Variants in SAMD8 observed in about 807,000 individuals in gnomAD.
The protein encoded by SAMD8 is sterile alpha motif domain containing 8.
Under a neutral mutation model 42.0 loss-of-function variants are expected in SAMD8, and 20 were observed. The observed-to-expected ratio is 0.48, with a 90% confidence interval of 0.34 to 0.69. The LOEUF (loss-of-function observed/expected upper bound fraction) is 0.69. SAMD8 is among the 30% of genes least tolerant of loss of function. The pLI is 0.01. For synonymous variants in SAMD8, 162 were observed against 173.0 expected, an observed-to-expected ratio of 0.94 and a Z score of 0.50; for missense variants, 328 against 511.6, an observed-to-expected ratio of 0.64 and a Z score of 3.46.
rs552658887 is a variant in SAMD8, at chr10:75,119,612, GCA to G, written c.-16+7897_-16+7898del. On this transcript the variant is annotated intron_variant, in intron 1 of 5. Transcript: ENST00000542569. ...ACTCCAATATTTTTGATGATTTTCT[GCA>G]CACACATGCACACACACGTGCGCAC... 1.3e-3 allele frequency among the ~76,000 whole-genome samples: 194 copies of G among 152,246 alleles called. 1 individual carries two copies. Among genetic ancestry groups the G allele is most frequent in the African/African-American group, 4.4e-3 (183 of 41,540 alleles).
rs1589982859 is a variant in SAMD8, at chr10:75,176,343, T to C, written c.944-45T>C. ...CCTGAGAAACGTGACTGAGAAGCAT[T>C]GGAAGGAATGTAGCTTTAAAATGAT... On this transcript the variant is annotated intron_variant, in intron 5 of 5. Coordinates refer to ENST00000542569, the MANE Select transcript of SAMD8 (RefSeq NM_001174156.2). The surrounding 1 kb of genome is among the most constrained non-coding windows in gnomAD (Gnocchi z 4.3). 3 of 1,588,628 alleles carry C rather than the reference T, an allele frequency of 1.9e-6. No homozygotes were observed. Among genetic ancestry groups the C allele is most frequent in the East Asian group, 4.5e-5 (2 of 44,688 alleles).
chr10:75,139,280 G>T (rs1255049486), intron 1 of SAMD8, among the ~76,000 whole-genome samples: 1 of 152,032 alleles, frequency 6.6e-6, no homozygotes, highest in Non-Finnish European at 1.5e-5. Flanking sequence ...TTTTGGACAA[G>T]TACCAAGCTT....
intron 2 of SAMD8, among the ~76,000 whole-genome samples, chr10:75,157,234 G>GGAGA (rs139540562): frequency 5.0e-4 from 74 of 148,404 alleles, no homozygotes; most frequent in Admixed American, 3.1e-3. Flanking sequence ...ATGATGAGGG[G>GGAGA]GAGAGAGAGA....
In SAMD8 at chr10:75,165,303, A is replaced by G. The variant is rs578079809; in HGVS notation, c.674+563A>G. 8.5e-4 allele frequency among the ~76,000 whole-genome samples: 128 copies of G among 151,346 alleles called. 1 individual carries two copies. Among genetic ancestry groups the G allele is most frequent in the South Asian group, 4.8e-3 (23 of 4,794 alleles). ...AAAAGTTACTTTCTGTAGGATAGAA[A>G]CTCTTCCAAGGACATTCTTTGGTCA... is the stretch of plus-strand genomic sequence containing the variant. On this transcript the variant is annotated intron_variant, in intron 3 of 5. Transcript: ENST00000542569.
intron 1 of SAMD8, among the ~76,000 whole-genome samples, chr10:75,143,939 T>C (rs781310788): frequency 2.6e-5 from 4 of 151,830 alleles, no homozygotes; most frequent in Non-Finnish European, 5.9e-5. Flanking sequence ...TGTGGTAAAA[T>C]ATATACAACC....
At chr10:75,157,923 G>A (rs962093150) in intron 2 of SAMD8, among the ~76,000 whole-genome samples, 12 of 152,176 alleles carry the variant, frequency 7.9e-5, no homozygotes, top group African/African-American at 2.4e-4. Context: ...ACTTTGGGAG[G>A]CTGAGGCGGG....
intron 1 of SAMD8, among the ~76,000 whole-genome samples, chr10:75,102,981 C>A (rs982273675): frequency 8.5e-5 from 13 of 152,088 alleles, no homozygotes; most frequent in African/African-American, 3.1e-4. Context: ...GTTGTGGTGG[C>A]ACACACTTAT....
intron 2 of SAMD8, among the ~76,000 whole-genome samples, chr10:75,156,638 C>CAA (rs777186335): frequency 5.1e-5 from 7 of 137,644 alleles, no homozygotes; most frequent in Admixed American, 1.5e-4. Flanking sequence ...TCATCTTGTC[C>CAA]AAAAAAAAAA....
chr10:75,140,710 G>C (rs1371773079), intron 1 of SAMD8, among the ~76,000 whole-genome samples: 3 of 152,194 alleles, frequency 2.0e-5, no homozygotes, highest in South Asian at 2.1e-4. Flanking sequence ...CAAAGCAATA[G>C]AAAACAAATA....
chr10:75,124,000 T>C (rs1849067918), intron 1 of SAMD8, among the ~76,000 whole-genome samples: 1 of 152,202 alleles, frequency 6.6e-6, no homozygotes, highest in Non-Finnish European at 1.5e-5. Flanking sequence ...AGTGCTGAGA[T>C]TACAGGCGTG....
intron 1 of SAMD8, among the ~76,000 whole-genome samples, chr10:75,130,369 G>T (rs562406119): frequency 6.6e-6 from 1 of 152,198 alleles, no homozygotes; most frequent in East Asian, 1.9e-4. Context: ...AGCCGGGCTT[G>T]GTGGCACATG....
At chr10:75,174,711 G>A (rs1460107972) in intron 4 of SAMD8, among the ~76,000 whole-genome samples, 3 of 151,842 alleles carry the variant, frequency 2.0e-5, no homozygotes, top group Non-Finnish European at 2.9e-5. Context: ...GGGATTATAG[G>A]CGTGAGCCAC....
chr10:75,113,789 C>G (rs569964851), intron 1 of SAMD8, among the ~76,000 whole-genome samples: 1 of 152,096 alleles, frequency 6.6e-6, no homozygotes, highest in Admixed American at 6.6e-5. Flanking sequence ...TGTAATATTA[C>G]TGTTTGTTGG....
At chr10:75,141,862 A>G (rs1261639284) in intron 1 of SAMD8, among the ~76,000 whole-genome samples, 2 of 150,274 alleles carry the variant, frequency 1.3e-5, no homozygotes, top group Non-Finnish European at 3.0e-5. Context: ...TCTTTTTTTT[A>G]TCTTATTACA....
intron 4 of SAMD8, among the ~76,000 whole-genome samples, chr10:75,173,420 A>G (rs1169235779): frequency 2.6e-5 from 4 of 152,194 alleles, no homozygotes; most frequent in Admixed American, 6.6e-5. Flanking sequence ...TCTCTTGTCA[A>G]AACATCCTAT....
chr10:75,171,160 CTTTTTT>C (rs1003923090), intron 4 of SAMD8, among the ~76,000 whole-genome samples: 6 of 68,520 alleles, frequency 8.8e-5, no homozygotes, highest in South Asian at 6.8e-4. Context: ...CTTTCTTTTT[CTTTTTT>C]TTTTTTTTTT....
chr10:75,111,855 G>C, intron 1 of SAMD8, 133 bp downstream of exon 1: 1 of 1,082,794 alleles, frequency 9.2e-7, no homozygotes, highest in South Asian at 4.8e-5. Context: ...AGACGGTTGA[G>C]GGAACCGGGA....
chr10:75,112,041 T>G (rs1283120728), intron 1 of SAMD8, among the ~76,000 whole-genome samples: 1 of 151,922 alleles, frequency 6.6e-6, no homozygotes, highest in Non-Finnish European at 1.5e-5. Flanking sequence ...AGATCGAAGG[T>G]CCTGCGGGAA....
intron 3 of SAMD8, among the ~76,000 whole-genome samples, chr10:75,165,056 C>T (rs546264378): frequency 2.6e-5 from 4 of 151,976 alleles, no homozygotes; most frequent in East Asian, 3.9e-4. Context: ...TTTGGGAGGC[C>T]GAGGCAGGCG....
Sources: gnomAD v4.1 joint callset for allele counts (sites outside exome capture counted in the v4.1 genomes callset) on GRCh38, gnomAD v4.1.1 for gene constraint, Gnocchi (gnomAD v3.1) non-coding constraint, MANE v1.5 for transcripts, NCBI Gene and HGNC (gene_info 2026-07-23, HGNC 2026-07-21) for gene names.